Variants in RGS6 observed in about 807,000 individuals in gnomAD.
The protein encoded by RGS6 is regulator of G-protein signaling 6.
A neutral mutation model predicts 78.5 loss-of-function variants in RGS6; 30 were observed. That is an observed-to-expected ratio of 0.38 (90% CI 0.29 to 0.52). RGS6 has a LOEUF of 0.52. RGS6 is among the 20% of genes least tolerant of loss of function. The pLI is 0.85. For missense variants in RGS6, 495 were observed against 609.7 expected (o/e 0.81, Z 1.98); for synonymous variants, 206 against 206.0 (o/e 1.00, Z 0.00).
intron 3 of RGS6, among the ~76,000 whole-genome samples, chr14:72,383,193 T>TATATATATATATATATATATATAC (rs1485059852): frequency 9.0e-6 from 1 of 111,502 alleles, no homozygotes; most frequent in Non-Finnish European, 1.8e-5. Context: ...TATATATATA[T>TATATATATATATATATATATATAC]ATATATATAT....
At chr14:72,015,646 C>T (rs2086790908) in intron 2 of RGS6, among the ~76,000 whole-genome samples, 1 of 152,180 alleles carries the variant, frequency 6.6e-6, no homozygotes. Context: ...CTAGAACGTG[C>T]ACATTTTAAC....
intron 2 of RGS6, among the ~76,000 whole-genome samples, chr14:72,258,374 A>G (rs1403758733): frequency 6.6e-6 from 1 of 152,232 alleles, no homozygotes; most frequent in Non-Finnish European, 1.5e-5. Context: ...TTGTGAAGAC[A>G]GTAGACTTGA....
chr14:72,312,255 C>T lies in RGS6; in HGVS notation c.85-39840C>T, dbSNP rs777715119. ...TTTTTTTTTTTTTTGGTACTCAGCC[C>T]TAATTTTCCCTGGCAAATATTGCTC... On this transcript the variant is annotated intron_variant, in intron 2 of 17. Coordinates refer to ENST00000553525, the MANE Select transcript of RGS6 (RefSeq NM_001204424.2). Among the ~76,000 whole-genome samples, 47 of 146,938 alleles carry T rather than the reference C, an allele frequency of 3.2e-4. 1 individual carries two copies. The highest frequency in any genetic ancestry group is 6.9e-4 in the Non-Finnish European group (46 of 67,056).
At chr14:71,974,394 A>G (rs1469507361) in intron 2 of RGS6, among the ~76,000 whole-genome samples, 1 of 151,864 alleles carries the variant, frequency 6.6e-6, no homozygotes, top group Non-Finnish European at 1.5e-5. Context: ...ATGCAAAGAC[A>G]TATATATAGA....
In RGS6 at chr14:72,072,989, T is replaced by C. The variant is rs761298603; in HGVS notation, c.84+108114T>C. 2.0e-5 allele frequency among the ~76,000 whole-genome samples: 3 copies of C among 152,332 alleles called. 1 individual carries two copies. The highest frequency in any genetic ancestry group is 2.0e-4 in the Admixed American group (3 of 15,306). ...GGGGCACCAGGAGTTTTAAAATTTC[T>C]CCAGGTGATCTAATGTGTAGCCAAG... On this transcript the variant is annotated intron_variant, in intron 2 of 17. Coordinates refer to ENST00000553525, the MANE Select transcript of RGS6 (RefSeq NM_001204424.2).
intron 2 of RGS6, among the ~76,000 whole-genome samples, chr14:71,972,507 C>A (rs1260060556): frequency 2.0e-5 from 3 of 152,114 alleles, no homozygotes; most frequent in African/African-American, 7.2e-5. Flanking sequence ...TGAGACTCTG[C>A]GTTTCTTGAT....
rs58591258 is a variant in RGS6 at position 72,250,399 on chromosome 14, G to GA, written c.85-101682dup. ...CTTGGCTTTTACATGTAAATACACC[G>GA]AAAAAAAAAAAAAACCCCAAGGGAT... On this transcript the variant is annotated intron_variant, in intron 2 of 17. Transcript: ENST00000553525. 9.3e-3 allele frequency among the ~76,000 whole-genome samples: 1,065 copies of GA among 114,286 alleles called. 33 individuals carry two copies. The highest frequency in any genetic ancestry group is 0.011 in the South Asian group (33 of 2,994). The allele number at this position is 114,286 out of a possible 152,430, so 75.0% of individuals were successfully genotyped here.
intron 3 of RGS6, among the ~76,000 whole-genome samples, chr14:72,360,701 G>T (rs939149290): frequency 6.6e-6 from 1 of 152,146 alleles, no homozygotes; most frequent in Admixed American, 6.6e-5. Context: ...TTCAAGGAGA[G>T]ATCATAAGTT....
the RGS6 span, among the ~76,000 whole-genome samples, chr14:72,602,379 G>A: frequency 6.6e-6 from 1 of 152,216 alleles, no homozygotes; most frequent in Non-Finnish European, 1.5e-5. Context: ...ACATGTGACT[G>A]TGTTTAATCC....
the RGS6 span, among the ~76,000 whole-genome samples, chr14:71,883,598 A>G: frequency 6.6e-6 from 1 of 152,200 alleles, no homozygotes; most frequent in Non-Finnish European, 1.5e-5. Context: ...GAGGTGAGGC[A>G]TTCTAAGTCG....
intron 2 of RGS6, among the ~76,000 whole-genome samples, chr14:71,986,951 T>C (rs1006498210): frequency 6.6e-6 from 1 of 152,074 alleles, no homozygotes; most frequent in African/African-American, 2.4e-5. Context: ...CTCTCTCTTA[T>C]AGGACCCCCG....
chr14:72,094,506 T>C, intron 2 of RGS6, among the ~76,000 whole-genome samples: 1 of 152,200 alleles, frequency 6.6e-6, no homozygotes, highest in East Asian at 1.9e-4. Flanking sequence ...ATTTGCATGC[T>C]TGCTTAATTT....
intron 2 of RGS6, among the ~76,000 whole-genome samples, chr14:72,182,978 C>A (rs1318530720): frequency 6.6e-6 from 1 of 152,160 alleles, no homozygotes; most frequent in Non-Finnish European, 1.5e-5. Context: ...ATGACCCACC[C>A]CGGGCTAGCA....
chr14:72,465,818 A>C lies in RGS6; in HGVS notation c.455A>C (p.Glu152Ala), dbSNP rs1306841385. Reference sequence around the variant, plus strand: ...GCAAGGCTGGAACTGGCAGATTATGAAGCAGTAAGTATGATTATTTTCCAG... The same window carrying C: ...GCAAGGCTGGAACTGGCAGATTATGCAGCAGTAAGTATGATTATTTTCCAG... Reference protein sequence around the residue: ...NKARLELADYEAENLARLQRA... With the variant: ...NKARLELADYAAENLARLQRA... The change falls in exon 7 of 18, where the codon GAA becomes GCA. Residue 152 changes from glutamate (E) to alanine (A), a missense_variant. Coordinates refer to ENST00000553525, the MANE Select transcript of RGS6 (RefSeq NM_001204424.2). The C allele has an allele frequency of 6.2e-7, 1 of 1,611,446 alleles. No individual in the cohort carries two copies. Among genetic ancestry groups the C allele is most frequent in the Admixed American group, 1.7e-5 (1 of 60,030 alleles).
At chr14:71,913,040 G>T in the RGS6 span, among the ~76,000 whole-genome samples, 1 of 151,970 alleles carries the variant, frequency 6.6e-6, no homozygotes, top group African/African-American at 2.4e-5. Context: ...TGTTAGCCAG[G>T]ATGGTTTCGA....
upstream of RGS6, among the ~76,000 whole-genome samples, chr14:71,928,765 C>T (rs1200343515): frequency 1.3e-5 from 2 of 152,208 alleles, no homozygotes; most frequent in Non-Finnish European, 2.9e-5. Flanking sequence ...TCCTTGCATG[C>T]AGTGTGCCCT....
At chr14:72,089,007 G>A (rs72719809) in intron 2 of RGS6, among the ~76,000 whole-genome samples, 11,329 of 152,226 alleles carry the variant, frequency 0.074, 482 homozygotes, top group Admixed American at 0.11. Flanking sequence ...GCCCCACCTC[G>A]AAGGACACTG....
intron 3 of RGS6, among the ~76,000 whole-genome samples, chr14:72,415,661 C>T (rs11627482): frequency 1.6e-4 from 25 of 152,212 alleles, no homozygotes; most frequent in Non-Finnish European, 3.2e-4. Flanking sequence ...GGAGCTGTTC[C>T]TATTCGGCCA....
chr14:72,287,204 A>C (rs1366171023), intron 2 of RGS6, among the ~76,000 whole-genome samples: 2 of 152,170 alleles, frequency 1.3e-5, no homozygotes, highest in East Asian at 3.8e-4. Flanking sequence ...TAGTTCTAAC[A>C]GTTTTTGTGT....
Sources: gnomAD v4.1 joint callset for allele counts (sites outside exome capture counted in the v4.1 genomes callset) on GRCh38, gnomAD v4.1.1 for gene constraint, MANE v1.5 for transcripts, NCBI Gene and HGNC (gene_info 2026-07-23, HGNC 2026-07-21) for gene names.